Variants in IL1RAPL2 observed in about 807,000 individuals in gnomAD.
The protein encoded by IL1RAPL2 is interleukin 1 receptor accessory protein like 2, also known as X-linked interleukin-1 receptor accessory protein-like 2.
Under a neutral mutation model 44.1 loss-of-function variants are expected in IL1RAPL2, and 3 were observed. The ratio of observed to expected loss-of-function variants is 0.07; its 90% CI spans 0.03 to 0.18. IL1RAPL2 has a LOEUF of 0.18. Among genes scored for constraint, IL1RAPL2 ranks in the 10% least tolerant of loss-of-function variants. IL1RAPL2 has a pLI of 1.00. For missense variants in IL1RAPL2, 391 were observed against 496.4 expected, an observed-to-expected ratio of 0.79 and a Z score of 2.02; for synonymous variants, 181 against 178.8, an observed-to-expected ratio of 1.01 and a Z score of -0.10.
At chrX:104,604,229 T>C (rs1281390110) in intron 1 of IL1RAPL2, among the ~76,000 whole-genome samples, 4 of 111,286 alleles carry the variant, frequency 3.6e-5, no homozygotes, top group South Asian at 3.8e-4. Flanking sequence ...GAAGGAGAAA[T>C]AAAGTCCGTT....
chrX:105,375,573 C>A (rs1244748937), intron 5 of IL1RAPL2, among the ~76,000 whole-genome samples: 1 of 112,296 alleles, frequency 8.9e-6, no homozygotes, highest in East Asian at 2.8e-4. Flanking sequence ...ATTTTTCAGG[C>A]TGTTTCAGAA....
At chrX:105,602,555 G>T (rs2037261167) in intron 6 of IL1RAPL2, among the ~76,000 whole-genome samples, 1 of 110,731 alleles carries the variant, frequency 9.0e-6, no homozygotes, top group Non-Finnish European at 1.9e-5. Flanking sequence ...TAAGTCTAAG[G>T]CAAGATGTGA....
At chrX:104,770,981 C>T (rs958113004) in intron 2 of IL1RAPL2, among the ~76,000 whole-genome samples, 1 of 111,557 alleles carries the variant, frequency 9.0e-6, no homozygotes, top group African/African-American at 3.3e-5. Context: ...GCCCAGATAA[C>T]TCATTCAAAG....
At chrX:105,728,518 T>G (rs2038371890) in intron 7 of IL1RAPL2, among the ~76,000 whole-genome samples, 1 of 111,474 alleles carries the variant, frequency 9.0e-6, no homozygotes, top group Non-Finnish European at 1.9e-5. Flanking sequence ...GAAGATTTAT[T>G]TATTTAATAA....
At chrX:104,964,279 G>GATTT (rs199756067) in intron 2 of IL1RAPL2, among the ~76,000 whole-genome samples, 8,016 of 100,814 alleles carry the variant, frequency 0.08, 364 homozygotes, top group African/African-American at 0.13. Flanking sequence ...TTGTGCCAGG[G>GATTT]ATTTATTTAT....
At chrX:105,081,514 G>A (rs1178229288) in intron 2 of IL1RAPL2, among the ~76,000 whole-genome samples, 1 of 111,426 alleles carries the variant, frequency 9.0e-6, no homozygotes, top group Non-Finnish European at 1.9e-5. Flanking sequence ...CTTTGGCGAA[G>A]GTCTATTGAA....
At chrX:105,032,002 G>A (rs1199964096) in intron 2 of IL1RAPL2, among the ~76,000 whole-genome samples, 1 of 111,488 alleles carries the variant, frequency 9.0e-6, no homozygotes, top group Non-Finnish European at 1.9e-5. Flanking sequence ...AGATTTTCTA[G>A]TTTATTTGCG....
intron 6 of IL1RAPL2, among the ~76,000 whole-genome samples, chrX:105,632,661 A>G (rs758540728): frequency 8.9e-6 from 1 of 111,896 alleles, no homozygotes; most frequent in East Asian, 2.8e-4. Flanking sequence ...TGAATAGAAC[A>G]GAAGTTTTAA....
chrX:105,100,963 G>GCTGGT (rs1381625065), intron 2 of IL1RAPL2, among the ~76,000 whole-genome samples: 1 of 112,681 alleles, frequency 8.9e-6, no homozygotes, highest in Non-Finnish European at 1.9e-5. Flanking sequence ...AATAGTACTT[G>GCTGGT]CTGGTGCCAA....
At chrX:105,110,554 T>C (rs2032790767) in intron 2 of IL1RAPL2, among the ~76,000 whole-genome samples, 3 of 112,180 alleles carry the variant, frequency 2.7e-5, no homozygotes, top group Admixed American at 1.9e-4. Context: ...AAATTTACTT[T>C]AGAAACAAAT....
At chrX:105,470,458 T>C (rs964505356) in intron 5 of IL1RAPL2, among the ~76,000 whole-genome samples, 1 of 112,057 alleles carries the variant, frequency 8.9e-6, no homozygotes, top group Non-Finnish European at 1.9e-5. Flanking sequence ...TTTTAGACTA[T>C]CTAGTCTGTG....
In IL1RAPL2 at chrX:105,442,565, C is replaced by A. The variant is rs1251022247; in HGVS notation, c.698-41748C>A. Among the ~76,000 whole-genome samples, 3 of 111,575 alleles carry A rather than the reference C, an allele frequency of 2.7e-5. No individual in the cohort carries two copies. In the Admixed American group the frequency reaches 2.9e-4, roughly 11 times the overall value. On this transcript the variant is annotated intron_variant, in intron 5 of 10. Transcript: ENST00000372582. ...AAATCAGTCCCTAGCCTGTAAAGGC[C>A]CCAAATGATACCAACCTCCCATCTC... is the stretch of plus-strand genomic sequence containing the variant.
intron 2 of IL1RAPL2, among the ~76,000 whole-genome samples, chrX:104,846,443 G>A (rs1431539574): frequency 1.8e-5 from 2 of 110,450 alleles, no homozygotes; most frequent in South Asian, 3.9e-4. Context: ...GAGAACATGG[G>A]GTGTTTGGTT....
chrX:105,575,301 G>A (rs780004253), intron 6 of IL1RAPL2, among the ~76,000 whole-genome samples: 1 of 111,137 alleles, frequency 9.0e-6, no homozygotes, highest in South Asian at 3.9e-4. Context: ...GTAGTCATTG[G>A]TTATTTTTTC....
intron 2 of IL1RAPL2, among the ~76,000 whole-genome samples, chrX:104,772,923 T>C (rs922390330): frequency 1.8e-5 from 2 of 111,577 alleles, no homozygotes; most frequent in African/African-American, 6.5e-5. Flanking sequence ...TTTTTCTTTT[T>C]TTTTGAGACA....
intron 6 of IL1RAPL2, among the ~76,000 whole-genome samples, chrX:105,579,714 T>A (rs187456539): frequency 8.9e-6 from 1 of 111,960 alleles, no homozygotes; most frequent in Non-Finnish European, 1.9e-5. Flanking sequence ...TAACACTAAC[T>A]TGCTCAAGAT....
At chrX:104,915,093 G>A (rs189074669) in intron 2 of IL1RAPL2, among the ~76,000 whole-genome samples, 62 of 111,796 alleles carry the variant, frequency 5.5e-4, no homozygotes, top group African/African-American at 2.0e-3. Flanking sequence ...TAATGGGATG[G>A]CTGTGTCAAA....
At chrX:105,112,789 C>A (rs1325994656) in intron 2 of IL1RAPL2, among the ~76,000 whole-genome samples, 2 of 112,864 alleles carry the variant, frequency 1.8e-5, no homozygotes, top group Non-Finnish European at 3.7e-5. Flanking sequence ...AAAATTGTTA[C>A]AAAAGAAACT....
At chrX:105,629,326 T>C (rs771219687) in intron 6 of IL1RAPL2, among the ~76,000 whole-genome samples, 4 of 111,816 alleles carry the variant, frequency 3.6e-5, no homozygotes, top group African/African-American at 1.3e-4. Flanking sequence ...GCTCTTGTTT[T>C]TGTCTTTGAT....
Sources: gnomAD v4.1 joint callset for allele counts (sites outside exome capture counted in the v4.1 genomes callset) on GRCh38, gnomAD v4.1.1 for gene constraint, MANE v1.5 for transcripts, NCBI Gene and HGNC (gene_info 2026-07-23, HGNC 2026-07-21) for gene names.